The following PCDHGB1 variants were observed in gnomAD, a reference collection of about 807,000 sequenced individuals.
The protein encoded by PCDHGB1 is protocadherin gamma-B1.
A neutral mutation model predicts 56.6 loss-of-function variants in PCDHGB1; 34 were observed. The observed-to-expected ratio is 0.60, with a 90% CI of 0.46 to 0.80. PCDHGB1 has a LOEUF of 0.80. Among genes scored for constraint, PCDHGB1 ranks in the 30% least tolerant of loss-of-function variants. The pLI is 0.00. For synonymous variants in PCDHGB1, 561 were observed against 505.9 expected (o/e 1.11, Z -1.46); for missense variants, 1,278 against 1,204.6 (o/e 1.06, Z -0.90).
intron 1 of PCDHGB1, chr5:141,355,039 C>A: frequency 9.6e-7 from 1 of 1,045,502 alleles, no homozygotes; most frequent in Non-Finnish European, 1.3e-6. Context: ...AAGATTTCTG[C>A]AGCACAAAGC....
At chr5:141,423,495 C>T in intron 1 of PCDHGB1, 1 of 1,613,946 alleles carries the variant, frequency 6.2e-7, no homozygotes, top group African/African-American at 1.3e-5. Context: ...CCTATTCCCA[C>T]GAGGTCTCTC....
intron 1 of PCDHGB1, chr5:141,370,713 GA>G (rs1767141333): frequency 6.2e-7 from 1 of 1,613,856 alleles, no homozygotes; most frequent in African/African-American, 1.3e-5. Context: ...TCTGGAATTT[GA>G]AATGGTTGCT....
Position 141,432,029 on chromosome 5 carries a change from G to A in PCDHGB1, c.2410-62778G>A. 6.2e-7 allele frequency: 1 copy of A among 1,614,178 alleles called. No individual in the cohort carries two copies. Among genetic ancestry groups the A allele is most frequent in the South Asian group, 1.1e-5 (1 of 91,086 alleles). ...TCCTAGCTACAACATCACAGTGACC[G>A]CCACTGACCGGGGAACCCCGCCCCT... On this transcript the variant is annotated intron_variant, in intron 1 of 3. Coordinates refer to ENST00000523390, the MANE Select transcript of PCDHGB1 (RefSeq NM_018922.3). This position sits in a 1 kb window ranked among gnomAD's most constrained non-coding sequence, Gnocchi z 6.0.
chr5:141,438,625 TATATATATATACACAC>T (rs1232816129), intron 1 of PCDHGB1, among the ~76,000 whole-genome samples: 1,472 of 46,190 alleles, frequency 0.032, 16 homozygotes, highest in African/African-American at 0.13. Context: ...TATATATATA[TATATATATATACACAC>T]ACACACACAC....
At position 141,416,083 on chromosome 5, in the gene PCDHGB1, A is replaced by T. The variant is rs183563665; in HGVS notation, c.2409+63414A>T. The T allele has an allele frequency of 1.6e-4, 27 of 167,232 alleles. 1 individual carries two copies. The East Asian group carries it at 3.9e-3, about 24-fold the overall frequency. The allele number at this position is 167,232 out of a possible 1,614,324, so 10.4% of individuals were successfully genotyped here. A position where few individuals can be genotyped will look rare whatever the true frequency, so the allele number is the denominator to read the frequency against. On this transcript the variant is annotated intron_variant, in intron 1 of 3. Transcript: ENST00000523390. Reference sequence around the variant, plus strand: ...AGAATACTCAATGCAGTTCTTCCCAAGGAGAAGGGCAATAGGCCTTTTTCA... The same window carrying T: ...AGAATACTCAATGCAGTTCTTCCCATGGAGAAGGGCAATAGGCCTTTTTCA...
chr5:141,415,654 A>G, intron 1 of PCDHGB1: 1 of 1,573,242 alleles, frequency 6.4e-7, no homozygotes. Flanking sequence ...AAAAAAAAAG[A>G]TTGGTTTTTA....
chr5:141,415,389 T>A lies in PCDHGB1; in HGVS notation c.2409+62720T>A, dbSNP rs1282535508. On this transcript the variant is annotated intron_variant, in intron 1 of 3. Transcript: ENST00000523390. ...AGGCTTCAGGAGGCGGCTTGACAGG[T>A]GTGTCCGGCTCGCACTTTGTGGGCG... 9.3e-6 allele frequency: 15 copies of A among 1,614,162 alleles called. No individual in the cohort carries two copies. The East Asian group carries it at 2.5e-4, about 26-fold the overall frequency.
intron 2 of PCDHGB1, among the ~76,000 whole-genome samples, chr5:141,497,006 T>C (rs947830895): frequency 1.3e-5 from 2 of 151,678 alleles, no homozygotes; most frequent in South Asian, 2.1e-4. Context: ...GCAGCCAACA[T>C]GGTGAAACCC....
At chr5:141,374,287 C>G in intron 1 of PCDHGB1, 1 of 1,613,992 alleles carries the variant, frequency 6.2e-7, no homozygotes, top group Non-Finnish European at 8.5e-7. Flanking sequence ...GCATCGTCTC[C>G]AGAGGTAGGA....
At chr5:141,404,068 T>C (rs2094481501) in intron 1 of PCDHGB1, 3 of 1,613,782 alleles carry the variant, frequency 1.9e-6, no homozygotes, top group Non-Finnish European at 2.5e-6. Flanking sequence ...TCAATGCTCA[T>C]GACCGAGACT....
chr5:141,362,071 G>A (rs1322302295), intron 1 of PCDHGB1: 1 of 1,612,812 alleles, frequency 6.2e-7, no homozygotes, highest in African/African-American at 1.3e-5. Context: ...GCTGGTCGCT[G>A]TGCGTGATGG....
At chr5:141,484,908 G>T in intron 1 of PCDHGB1, 1 of 415,428 alleles carries the variant, frequency 2.4e-6, no homozygotes, top group East Asian at 4.2e-5. Context: ...ATGCTGCGAC[G>T]CATTAACCCT....
chr5:141,419,715 T>A, intron 1 of PCDHGB1: 5 of 1,613,288 alleles, frequency 3.1e-6, no homozygotes, highest in Non-Finnish European at 4.2e-6. Context: ...CTCTTCAGCC[T>A]GGGGCTGCGA....
intron 1 of PCDHGB1, chr5:141,492,046 A>C: frequency 6.1e-6 from 3 of 494,434 alleles, no homozygotes; most frequent in South Asian, 8.1e-5. Flanking sequence ...TCACAGATCC[A>C]CCCCTGCAGC....
intron 1 of PCDHGB1, among the ~76,000 whole-genome samples, chr5:141,359,701 T>C (rs1588542297): frequency 1.3e-5 from 2 of 152,140 alleles, no homozygotes; most frequent in African/African-American, 2.4e-5. Context: ...TCCGGAAGGA[T>C]ACCTAAGAAA....
intron 2 of PCDHGB1, among the ~76,000 whole-genome samples, chr5:141,503,886 T>G (rs150106838): frequency 8.2e-4 from 125 of 152,290 alleles, no homozygotes; most frequent in African/African-American, 2.9e-3. Flanking sequence ...TCACCCACCA[T>G]GACAAAATAT....
rs534304763 is a variant in PCDHGB1 at position 141,394,533 on chromosome 5, G to T, written c.2409+41864G>T. 2 of 1,614,092 alleles carry T rather than the reference G, an allele frequency of 1.2e-6. No individual in the cohort carries two copies. The highest frequency in any genetic ancestry group is 3.3e-5 in the Admixed American group (2 of 60,014). On this transcript the variant is annotated intron_variant, in intron 1 of 3. Transcript: ENST00000523390. Reference sequence around the variant, plus strand: ...CGCCCTCCCCACAGACGGTTCCACTGGCGTGGAGCTGGCGCCCCGCTCCGC... The same window carrying T: ...CGCCCTCCCCACAGACGGTTCCACTTGCGTGGAGCTGGCGCCCCGCTCCGC...
At position 141,431,696 on chromosome 5, in the gene PCDHGB1, G is replaced by T; in HGVS notation, c.2410-63111G>T. ...AGGGGAGTTGGACCACGAGGAGTCA[G>T]GATTCTACCAGATGGAAGTGCAAGC... On this transcript the variant is annotated intron_variant, in intron 1 of 3. Transcript: ENST00000523390. The surrounding 1 kb of genome is among the most constrained non-coding windows in gnomAD (Gnocchi z 4.8). 6.2e-7 allele frequency: 1 copy of T among 1,614,238 alleles called. No individual in the cohort carries two copies. Among genetic ancestry groups the T allele is most frequent in the Non-Finnish European group, 8.5e-7 (1 of 1,180,038 alleles).
chr5:141,471,893 T>G (rs1289667371), intron 1 of PCDHGB1, among the ~76,000 whole-genome samples: 1 of 152,166 alleles, frequency 6.6e-6, no homozygotes, highest in African/African-American at 2.4e-5. Flanking sequence ...CTAGGAAGAT[T>G]GACTACAGAC....
Sources: gnomAD v4.1 joint callset for allele counts (sites outside exome capture counted in the v4.1 genomes callset) on GRCh38, gnomAD v4.1.1 for gene constraint, Gnocchi (gnomAD v3.1) non-coding constraint, MANE v1.5 for transcripts, NCBI Gene and HGNC (gene_info 2026-07-23, HGNC 2026-07-21) for gene names.